PTGIS: variants seen among roughly 807,000 people sequenced by gnomAD.
PTGIS encodes the protein prostacyclin synthase.
Under a neutral mutation model 50.3 loss-of-function variants are expected in PTGIS, and 45 were observed. That is an observed-to-expected ratio of 0.90 (90% CI 0.70 to 1.15). The LOEUF is 1.15. PTGIS is among the 50% of genes most tolerant of loss of function. The pLI, the probability that PTGIS is intolerant of heterozygous loss-of-function variation, is 0.00. For synonymous variants in PTGIS, 260 were observed against 267.7 expected (o/e 0.97, Z 0.28); for missense variants, 668 against 661.3 (o/e 1.01, Z -0.11).
In PTGIS at chr20:49,539,873, A is replaced by G. The variant is rs867299219; in HGVS notation, c.522-152T>C. 4 of 1,020,986 alleles carry G rather than the reference A, an allele frequency of 3.9e-6. No individual in the cohort carries two copies. In the Middle Eastern group the frequency reaches 6.4e-4, roughly 163 times the overall value. 63.2% of individuals were successfully genotyped at this position (1,020,986 alleles called of 1,614,324 possible). On this transcript the variant is annotated intron_variant, in intron 4 of 9. Transcript: ENST00000244043. ...TCTGGGCACTGAACAGTCGGCAGTG[A>G]AAAAAACAAAAATCCCTGTCCTCAA...
At position 49,508,074 on chromosome 20, in the gene PTGIS, G is replaced by A; in HGVS notation, c.1359-10C>T. On this transcript the variant is annotated splice_polypyrimidine_tract_variant and intron_variant, in intron 9 of 9. Transcript: ENST00000244043. ...CACAAGGAACACAAATCTGCAGAGAGATGGCATGGAAGGTGTGAAGGAGAG... is the reference window on the plus strand; with the variant it reads ...CACAAGGAACACAAATCTGCAGAGAAATGGCATGGAAGGTGTGAAGGAGAG... 9 of 1,613,620 alleles carry A rather than the reference G, an allele frequency of 5.6e-6. No individual in the cohort carries two copies. The highest frequency in any genetic ancestry group is 7.6e-6 in the Non-Finnish European group (9 of 1,180,016).
chr20:49,535,131 T>A (rs1228785195), intron 5 of PTGIS, among the ~76,000 whole-genome samples: 1 of 152,244 alleles, frequency 6.6e-6, no homozygotes, highest in Non-Finnish European at 1.5e-5. Flanking sequence ...TAACTGCATG[T>A]TGGCAAGGTT....
chr20:49,520,423 T>A (rs1359371916), intron 6 of PTGIS, among the ~76,000 whole-genome samples: 1 of 151,162 alleles, frequency 6.6e-6, no homozygotes, highest in Non-Finnish European at 1.5e-5. Flanking sequence ...AACCTCCACC[T>A]CCCGGGTTCA....
intron 1 of PTGIS, among the ~76,000 whole-genome samples, chr20:49,561,180 C>A (rs914105958): frequency 2.0e-5 from 3 of 152,172 alleles, no homozygotes; most frequent in African/African-American, 7.2e-5. Flanking sequence ...CTGCCCCTGT[C>A]TCCTGCTCCC....
intron 5 of PTGIS, among the ~76,000 whole-genome samples, chr20:49,538,255 A>AG (rs1982131237): frequency 3.6e-5 from 4 of 110,466 alleles, no homozygotes; most frequent in Non-Finnish European, 7.3e-5. Context: ...ACCCTGGTTC[A>AG]GAAAAAAAAA....
intron 6 of PTGIS, 82 bp from the exon 7 acceptor site, chr20:49,514,477 C>T: frequency 6.6e-7 from 1 of 1,507,252 alleles, no homozygotes. Context: ...CGGGCCAAGA[C>T]AGAGGGGCCA....
rs536467973 is a variant in PTGIS at position 49,566,974 on chromosome 20, T to G, written c.74+1069A>C. On this transcript the variant is annotated intron_variant, in intron 1 of 9. Transcript: ENST00000244043. Reference sequence around the variant, plus strand: ...AACGGGGTGAGAGAAATACAGGAACTTTTTGTACTATCTTTGCAACTTTCT... The same window carrying G: ...AACGGGGTGAGAGAAATACAGGAACGTTTTGTACTATCTTTGCAACTTTCT... Among the ~76,000 whole-genome samples the G allele has an allele frequency of 1.3e-4, 20 of 152,312 alleles. No homozygotes were observed. The South Asian group carries it at 3.5e-3, about 27-fold the overall frequency.
intron 6 of PTGIS, among the ~76,000 whole-genome samples, chr20:49,518,291 G>A (rs1476878437): frequency 6.6e-6 from 1 of 152,276 alleles, no homozygotes; most frequent in African/African-American, 2.4e-5. Flanking sequence ...ATGGAGAGGC[G>A]AGGCATTGGG....
chr20:49,535,577 G>A (rs1219087902), intron 5 of PTGIS, among the ~76,000 whole-genome samples: 3 of 152,162 alleles, frequency 2.0e-5, no homozygotes, highest in Admixed American at 6.5e-5. Context: ...GCAGTGGCGT[G>A]ATCTTGGCTC....
chr20:49,521,342 C>T (rs753182184), intron 6 of PTGIS, among the ~76,000 whole-genome samples: 1 of 152,164 alleles, frequency 6.6e-6, no homozygotes, highest in Non-Finnish European at 1.5e-5. Context: ...GCCAAGTACC[C>T]TCTTGGCTCC....
Position 49,506,639 on chromosome 20 carries a change from A to G in PTGIS, c.*1281T>C, listed in dbSNP as rs950236726. The stretch of plus-strand genomic sequence containing the variant: ...GTGATCCGCCCACCTCGGCCTCCCA[A>G]AGTGCTGGGATTACAGGCAAGCCGG... On this transcript the variant is annotated 3_prime_UTR_variant, in exon 10 of 10. Coordinates refer to ENST00000244043, the MANE Select transcript of PTGIS (RefSeq NM_000961.4). The G allele has an allele frequency of 1.3e-5, 2 of 152,316 alleles. No individual in the cohort carries two copies. Among genetic ancestry groups the G allele is most frequent in the African/African-American group, 4.8e-5 (2 of 41,446 alleles). 9.4% of individuals were successfully genotyped at this position (152,316 alleles called of 1,614,324 possible).
chr20:49,512,526 T>C (rs899023806), intron 8 of PTGIS, among the ~76,000 whole-genome samples: 4 of 152,158 alleles, frequency 2.6e-5, no homozygotes, highest in Non-Finnish European at 5.9e-5. Context: ...GGCAGATGAA[T>C]GAATGGATGG....
rs1349521156 is a variant in PTGIS, at chr20:49,504,159, A to G, written c.*3761T>C. On this transcript the variant is annotated 3_prime_UTR_variant, in exon 10 of 10. Coordinates refer to ENST00000244043, the MANE Select transcript of PTGIS (RefSeq NM_000961.4). ...GCCCTGGTCGCCCATGGGATGAGAA[A>G]CTTACTCCTGCTTCTGTCCCTGGAG... is the stretch of plus-strand genomic sequence containing the variant. The G allele has an allele frequency of 6.6e-6, 1 of 152,176 alleles. No homozygotes were observed. The highest frequency in any genetic ancestry group is 2.4e-5 in the African/African-American group (1 of 41,448). The allele number at this position is 152,176 out of a possible 1,614,324, so 9.4% of individuals were successfully genotyped here. A position where few individuals can be genotyped will look rare whatever the true frequency, so the allele number is the denominator to read the frequency against.
chr20:49,532,532 G>T (rs75380191), intron 5 of PTGIS, among the ~76,000 whole-genome samples: 6,875 of 152,176 alleles, frequency 0.045, 469 homozygotes, highest in African/African-American at 0.15. Context: ...ACCACAGAGG[G>T]TTATATACAG....
chr20:49,514,513 A>G (rs889924144), intron 6 of PTGIS, 118 bp from the exon 7 acceptor site: 2 of 1,229,512 alleles, frequency 1.6e-6, no homozygotes, highest in African/African-American at 1.5e-5. Context: ...CACTGCTGCC[A>G]AACACCCAGG....
Position 49,513,151 on chromosome 20 carries a change from G to A in PTGIS, c.1135C>T (p.Arg379Cys), listed in dbSNP as rs56195291. 81 of 1,614,134 alleles carry A rather than the reference G, an allele frequency of 5.0e-5. 1 individual carries two copies. The South Asian group carries it at 8.3e-4, about 17-fold the overall frequency. ...MADGREFNLR[R>C]GDRLLLFPFL... ...GGGAAGAGGAGGAGGCGGTCACCAC[G>A]TCGCAGGTTGAATTCTCGCCCGTCT... Residue 379 changes from arginine to cysteine, a missense_variant, in exon 8 of 10, where the codon CGT (arginine) becomes TGT (cysteine). Transcript: ENST00000244043.
intron 6 of PTGIS, among the ~76,000 whole-genome samples, chr20:49,516,952 T>C (rs1459376364): frequency 8.5e-5 from 13 of 152,206 alleles, no homozygotes; most frequent in Non-Finnish European, 1.6e-4. Context: ...CTCCCCACTT[T>C]CTGTGACTGT....
intron 5 of PTGIS, among the ~76,000 whole-genome samples, chr20:49,533,295 TTGATA>T (rs954996801): frequency 6.6e-5 from 10 of 152,188 alleles, no homozygotes; most frequent in Admixed American, 3.3e-4. Context: ...CTGTGATTCT[TTGATA>T]TAAGAATGCC....
At chr20:49,551,508 C>G (rs772013605) in intron 1 of PTGIS, among the ~76,000 whole-genome samples, 8 of 152,160 alleles carry the variant, frequency 5.3e-5, no homozygotes, top group Non-Finnish European at 8.8e-5. Context: ...AAGCACCCCC[C>G]ACATCAAGTT....
Sources: gnomAD v4.1 joint callset for allele counts (sites outside exome capture counted in the v4.1 genomes callset) on GRCh38, gnomAD v4.1.1 for gene constraint, MANE v1.5 for transcripts, NCBI Gene and HGNC (gene_info 2026-07-23, HGNC 2026-07-21) for gene names.